PHEX: variants seen among roughly 807,000 people sequenced by gnomAD.
PHEX encodes phosphate regulating endopeptidase X-linked.
A neutral mutation model predicts 68.0 loss-of-function variants in PHEX; 16 were observed. The observed-to-expected ratio is 0.24, with a 90% confidence interval of 0.16 to 0.36. The LOEUF is 0.36. Among genes scored for constraint, PHEX ranks in the 10% least tolerant of loss-of-function variants. The probability of loss-of-function intolerance (pLI) is 1.00; values close to 1 mark genes in which losing one functional copy is unlikely to be tolerated. For synonymous variants in PHEX, 208 were observed against 205.1 expected (o/e 1.01, Z -0.12); for missense variants, 480 against 575.5 (o/e 0.83, Z 1.70).
At chrX:22,046,229 GC>G (rs1327893657) in intron 2 of PHEX, among the ~76,000 whole-genome samples, 1 of 111,914 alleles carries the variant, frequency 8.9e-6, no homozygotes, top group East Asian at 2.8e-4. Flanking sequence ...CAGCTAAAGG[GC>G]TCCATTCAAA....
At position 22,108,285 on chromosome X, in the gene PHEX, A is replaced by G. The variant is rs758945233; in HGVS notation, c.1080-3182A>G. Among the ~76,000 whole-genome samples the G allele has an allele frequency of 1.6e-4, 18 of 111,564 alleles. No homozygotes were observed. In the East Asian group the frequency reaches 4.2e-3, roughly 26 times the overall value. Reference sequence around the variant, plus strand: ...CTGAGAAGAACATTTTAGAACTTCTATATCTTTATTTAAATTTAAAAATAA... The same window carrying G: ...CTGAGAAGAACATTTTAGAACTTCTGTATCTTTATTTAAATTTAAAAATAA... On this transcript the variant is annotated intron_variant, in intron 9 of 21. Coordinates refer to ENST00000379374, the MANE Select transcript of PHEX (RefSeq NM_000444.6).
intron 13 of PHEX, among the ~76,000 whole-genome samples, chrX:22,176,377 A>G (rs1227531072): frequency 1.0e-4 from 7 of 69,703 alleles, no homozygotes; most frequent in Non-Finnish European, 1.6e-4. Context: ...ACAGAGCGAG[A>G]CTGTCTCAAA....
intron 15 of PHEX, among the ~76,000 whole-genome samples, chrX:22,192,887 G>A (rs1029016097): frequency 9.0e-6 from 1 of 111,172 alleles, no homozygotes; most frequent in Non-Finnish European, 1.9e-5. Flanking sequence ...AGCCGCCCTC[G>A]TGTGGCCACT....
chrX:22,250,311 A>AACTGGAAGGGAAAG lies in PHEX; in HGVS notation c.*2360_*2373dup, dbSNP rs1391406164. 8.9e-6 allele frequency: 1 copy of AACTGGAAGGGAAAG among 112,259 alleles called. No individual in the cohort carries two copies. Among genetic ancestry groups the AACTGGAAGGGAAAG allele is most frequent in the African/African-American group, 3.2e-5 (1 of 30,914 alleles). 9.3% of individuals were successfully genotyped at this position (112,259 alleles called of 1,213,427 possible). A position where few individuals can be genotyped will look rare whatever the true frequency, so the allele number is the denominator to read the frequency against. Reference sequence around the variant, plus strand: ...TGGTAGAAAGAGAAAGGTAAAATGCAACTGGAAGGGAAAGAAAAAAGTAGG... The same window carrying AACTGGAAGGGAAAG: ...TGGTAGAAAGAGAAAGGTAAAATGCAACTGGAAGGGAAAGACTGGAAGGGAAAGAAAAAAGTAGG... On this transcript the variant is annotated 3_prime_UTR_variant, in exon 22 of 22. Transcript: ENST00000379374.
chrX:22,243,711 A>T (rs1001248159), intron 20 of PHEX, among the ~76,000 whole-genome samples: 1 of 112,464 alleles, frequency 8.9e-6, no homozygotes, highest in Non-Finnish European at 1.9e-5. Context: ...AGAAATGCAA[A>T]TCAATCAAAA....
intron 15 of PHEX, among the ~76,000 whole-genome samples, chrX:22,211,016 C>T (rs1292865382): frequency 1.8e-5 from 2 of 111,042 alleles, no homozygotes; most frequent in Non-Finnish European, 3.8e-5. Flanking sequence ...TCTCATGGGG[C>T]CTGGAACAGT....
rs749981441 is a variant in PHEX, at chrX:22,125,469, A to AT, written c.1303-8046dup. Among the ~76,000 whole-genome samples the AT allele has an allele frequency of 1.0e-3, 112 of 111,185 alleles. 3 individuals carry two copies. The highest frequency in any genetic ancestry group is 3.4e-3 in the African/African-American group (105 of 30,635). ...TTAATGCCCATAATCAACCTTACTG[A>AT]TTTTTTTTCTTTTTCCTTTCTTTTC... is the stretch of plus-strand genomic sequence containing the variant. On this transcript the variant is annotated intron_variant, in intron 11 of 21. Coordinates refer to ENST00000379374, the MANE Select transcript of PHEX (RefSeq NM_000444.6).
chrX:22,241,819 C>A (rs1040613009), intron 20 of PHEX, among the ~76,000 whole-genome samples: 14 of 111,747 alleles, frequency 1.3e-4, no homozygotes, highest in African/African-American at 4.2e-4. Context: ...GAGGACCAGA[C>A]AGGTTCACAG....
chrX:22,156,090 G>A (rs774956068), intron 12 of PHEX, among the ~76,000 whole-genome samples: 22 of 112,024 alleles, frequency 2.0e-4, no homozygotes, highest in African/African-American at 6.5e-4. Flanking sequence ...GGATTAACAA[G>A]AGAAAAGCAA....
intron 16 of PHEX, among the ~76,000 whole-genome samples, chrX:22,214,889 T>C (rs1935037005): frequency 8.9e-6 from 1 of 112,062 alleles, no homozygotes; most frequent in South Asian, 3.7e-4. Context: ...AGGCCTCAGC[T>C]CCATAGTTTT....
At chrX:22,235,728 A>G (rs1366919582) in intron 20 of PHEX, among the ~76,000 whole-genome samples, 1 of 111,028 alleles carries the variant, frequency 9.0e-6, no homozygotes, top group African/African-American at 3.3e-5. Context: ...CCATTACCCT[A>G]TCTTATCATA....
chrX:22,098,795 C>CAAAAAAAAAAAAAAAAAAA (rs746223770), intron 8 of PHEX, among the ~76,000 whole-genome samples: 1 of 11,364 alleles, frequency 8.8e-5, no homozygotes, highest in African/African-American at 2.2e-4. Flanking sequence ...GAGAATGTCT[C>CAAAAAAAAAAAAAAAAAAA]AAAAAAAAAA....
At chrX:22,134,758 A>G (rs1352724697) in intron 12 of PHEX, among the ~76,000 whole-genome samples, 1 of 111,854 alleles carries the variant, frequency 8.9e-6, no homozygotes, top group Non-Finnish European at 1.9e-5. Context: ...TGAGTATAAC[A>G]ATCACCTGGG....
At chrX:22,156,908 G>A (rs1932966629) in intron 12 of PHEX, among the ~76,000 whole-genome samples, 1 of 109,293 alleles carries the variant, frequency 9.1e-6, no homozygotes, top group Admixed American at 9.8e-5. Flanking sequence ...TTTGGGACAG[G>A]GTCTCACTCT....
chrX:22,107,577 C>T (rs1930758577), intron 9 of PHEX, among the ~76,000 whole-genome samples: 1 of 111,815 alleles, frequency 8.9e-6, no homozygotes, highest in Non-Finnish European at 1.9e-5. Flanking sequence ...TGTTCACCAT[C>T]CTCTCCAACA....
At chrX:22,127,370 A>G (rs1214405142) in intron 11 of PHEX, among the ~76,000 whole-genome samples, 1 of 111,362 alleles carries the variant, frequency 9.0e-6, no homozygotes, top group Non-Finnish European at 1.9e-5. Flanking sequence ...TTAATGTTAT[A>G]TGCTGCCTGG....
intron 3 of PHEX, among the ~76,000 whole-genome samples, chrX:22,073,846 G>T (rs1348724357): frequency 9.1e-6 from 1 of 109,662 alleles, no homozygotes; most frequent in Non-Finnish European, 1.9e-5. Flanking sequence ...CACCACATTG[G>T]CCAGGCTGGT....
chrX:22,111,324 A>G (rs1209661593), intron 9 of PHEX, 143 bp from the exon 10 acceptor site: 7 of 558,709 alleles, frequency 1.3e-5, no homozygotes, highest in Non-Finnish European at 1.9e-5. Context: ...ATCTTATGTC[A>G]TTTCTCAAGT....
intron 14 of PHEX, among the ~76,000 whole-genome samples, chrX:22,185,756 G>GTTTTTTTTTTTTTTTTTTTTTTT (rs3085228): frequency 5.7e-5 from 5 of 87,776 alleles, no homozygotes; most frequent in Middle Eastern, 6.1e-3. Context: ...CTCGTTTGTG[G>GTTTTTTTTTTTTTTTTTTTTTTT]TTTTTTTTTT....
Sources: gnomAD v4.1 joint callset for allele counts (sites outside exome capture counted in the v4.1 genomes callset) on GRCh38, gnomAD v4.1.1 for gene constraint, MANE v1.5 for transcripts, NCBI Gene and HGNC (gene_info 2026-07-23, HGNC 2026-07-21) for gene names.